CRTC1: variants seen among roughly 807,000 people sequenced by gnomAD.
The protein encoded by CRTC1 is CREB regulated transcription coactivator 1, also known as CREB-regulated transcription coactivator 1.
CRTC1 carries 18 observed loss-of-function variants against 66.1 expected under a neutral mutation model. The ratio of observed to expected loss-of-function variants is 0.27; its 90% confidence interval spans 0.19 to 0.40. The LOEUF is 0.40. Among genes scored for constraint, CRTC1 ranks in the 10% least tolerant of loss-of-function variants. CRTC1 has a pLI of 1.00. For synonymous variants in CRTC1, 416 were observed against 398.8 expected, an observed-to-expected ratio of 1.04 and a Z score of -0.51; for missense variants, 669 against 887.9, an observed-to-expected ratio of 0.75 and a Z score of 3.13.
At chr19:18,772,072 TC>T (rs2054882250) in intron 11 of CRTC1, among the ~76,000 whole-genome samples, 1 of 152,166 alleles carries the variant, frequency 6.6e-6, no homozygotes, top group South Asian at 2.1e-4. Flanking sequence ...AGGGCCCTTG[TC>T]CCCATTCCAC....
intron 1 of CRTC1, among the ~76,000 whole-genome samples, chr19:18,684,983 T>G (rs1407260726): frequency 6.6e-6 from 1 of 152,054 alleles, no homozygotes; most frequent in Non-Finnish European, 1.5e-5. Context: ...TGCAGTGTGG[T>G]GAGACCTCTC....
chr19:18,739,699 C>T (rs921856551), intron 1 of CRTC1, among the ~76,000 whole-genome samples: 3 of 152,168 alleles, frequency 2.0e-5, no homozygotes, highest in African/African-American at 7.2e-5. Flanking sequence ...GCCTGCAGTG[C>T]AGTGACATCT....
At chr19:18,767,904 G>A (rs2054771800) in intron 9 of CRTC1, among the ~76,000 whole-genome samples, 1 of 152,208 alleles carries the variant, frequency 6.6e-6, no homozygotes, top group African/African-American at 2.4e-5. Flanking sequence ...TGTCAGCTTG[G>A]TAGCCCCTGG....
intron 1 of CRTC1, among the ~76,000 whole-genome samples, chr19:18,717,065 ATG>A (rs760670935): frequency 2.0e-5 from 3 of 151,816 alleles, no homozygotes; most frequent in South Asian, 2.1e-4. Context: ...TTATGTGACT[ATG>A]TGCATTGCTG....
intron 10 of CRTC1, among the ~76,000 whole-genome samples, chr19:18,769,124 A>C (rs947290106): frequency 6.6e-6 from 1 of 152,184 alleles, no homozygotes; most frequent in African/African-American, 2.4e-5. Flanking sequence ...CAAGAAGAGT[A>C]CGGCGTTCTC....
Position 18,696,262 on chromosome 19 carries a change from G to A in CRTC1, c.126+12434G>A, listed in dbSNP as rs567983666. Among the ~76,000 whole-genome samples, 96 of 152,300 alleles carry A rather than the reference G, an allele frequency of 6.3e-4. 2 individuals are homozygous for A. In the South Asian group the frequency reaches 0.019, roughly 31 times the overall value. ...CGGCTGGTCAGGGTGAGGCAGGGCG[G>A]TTCAGGCTGCTGGAAGCCTGTGTGC... is the stretch of plus-strand genomic sequence containing the variant. On this transcript the variant is annotated intron_variant, in intron 1 of 13. Transcript: ENST00000321949.
At chr19:18,714,812 G>C (rs1256013057) in intron 1 of CRTC1, among the ~76,000 whole-genome samples, 1 of 152,204 alleles carries the variant, frequency 6.6e-6, no homozygotes, top group Non-Finnish European at 1.5e-5. Context: ...ACATCCTGCT[G>C]TCTGCACCCT....
At chr19:18,743,910 C>T (rs2054169761) in intron 2 of CRTC1, among the ~76,000 whole-genome samples, 3 of 152,314 alleles carry the variant, frequency 2.0e-5, no homozygotes, top group South Asian at 2.1e-4. Context: ...TTTCCTGTTT[C>T]TCCTGTCCCC....
chr19:18,728,815 C>CTGTTTTTTTTTTTTTTTTTTTTTTTT, intron 1 of CRTC1, among the ~76,000 whole-genome samples: 1 of 79,382 alleles, frequency 1.3e-5, no homozygotes, highest in East Asian at 7.3e-4. Context: ...CTCACCTGGC[C>CTGTTTTTTTTTTTTTTTTTTTTTTTT]TTTTTTTTTT....
In CRTC1 at chr19:18,692,265, G is replaced by A. The variant is rs150795956; in HGVS notation, c.126+8437G>A. Among the ~76,000 whole-genome samples, 351 of 152,284 alleles carry A rather than the reference G, an allele frequency of 2.3e-3. 2 individuals carry two copies. Among genetic ancestry groups the A allele is most frequent in the African/African-American group, 7.9e-3 (327 of 41,556 alleles). ...TGGCTGGACTTATGCATCTGCAAGCGGCTGCAGCCCTGTCCTGATGTGAAG... is the reference window on the plus strand; with the variant it reads ...TGGCTGGACTTATGCATCTGCAAGCAGCTGCAGCCCTGTCCTGATGTGAAG... On this transcript the variant is annotated intron_variant, in intron 1 of 13. Transcript: ENST00000321949.
Position 18,764,114 on chromosome 19 carries a change from G to A in CRTC1, c.887-1290G>A, listed in dbSNP as rs577587606. Among the ~76,000 whole-genome samples, 108 of 152,296 alleles carry A rather than the reference G, an allele frequency of 7.1e-4. 1 individual carries two copies. Among genetic ancestry groups the A allele is most frequent in the African/African-American group, 2.6e-3 (107 of 41,564 alleles). ...GTGCAGGCGTGACCGAGCTCGCCCC[G>A]GTGAGCAGCTGCCCTGGGCACGGAC... On this transcript the variant is annotated intron_variant, in intron 8 of 13. Transcript: ENST00000321949.
intron 5 of CRTC1, among the ~76,000 whole-genome samples, chr19:18,750,414 A>G (rs2054337504): frequency 6.6e-6 from 1 of 152,206 alleles, no homozygotes; most frequent in Admixed American, 6.5e-5. Context: ...CAGCTGAGCC[A>G]TGCACACCCC....
intron 1 of CRTC1, among the ~76,000 whole-genome samples, chr19:18,709,149 G>A (rs2145573962): frequency 6.6e-6 from 1 of 152,318 alleles, no homozygotes; most frequent in South Asian, 2.1e-4. Flanking sequence ...AGAGTCGCAG[G>A]TGCACCTGGC....
chr19:18,774,256 C>T (rs1157329563), intron 11 of CRTC1, among the ~76,000 whole-genome samples: 2 of 152,206 alleles, frequency 1.3e-5, no homozygotes, highest in East Asian at 3.9e-4. Context: ...TCTCCACCAC[C>T]CATAAGGTCC....
At chr19:18,755,680 G>A (rs2054469076) in intron 6 of CRTC1, among the ~76,000 whole-genome samples, 1 of 143,476 alleles carries the variant, frequency 7.0e-6, no homozygotes, top group Non-Finnish European at 1.5e-5. Flanking sequence ...TGGGCTCACT[G>A]CAACCTCCGT....
chr19:18,777,280 G>A lies in CRTC1; in HGVS notation c.1803G>A (p.Lys601=). The A allele has an allele frequency of 6.2e-7, 1 of 1,612,362 alleles. No homozygotes were observed. Among genetic ancestry groups the A allele is most frequent in the Non-Finnish European group, 8.5e-7 (1 of 1,179,940 alleles). ...GCCAGTTTCCCCTGGACGAACTCAAGATCGACCCCCTGACCCTCGACGGAC... is the reference window on the plus strand; with the variant it reads ...GCCAGTTTCCCCTGGACGAACTCAAAATCGACCCCCTGACCCTCGACGGAC... ...SDSQFPLDEL[K]IDPLTLDGLH... is the part of the protein sequence containing the mutation. The change falls in exon 14 of 14, where the codon AAG becomes AAA. Residue 601 remains lysine (K), a synonymous_variant. Transcript: ENST00000321949. This position sits in a 1 kb window ranked among gnomAD's most constrained non-coding sequence, Gnocchi z 5.5.
chr19:18,688,818 T>C (rs1265775351), intron 1 of CRTC1, among the ~76,000 whole-genome samples: 2 of 152,118 alleles, frequency 1.3e-5, no homozygotes, highest in East Asian at 3.9e-4. Flanking sequence ...ATATTCACAT[T>C]TGCACAGCCA....
chr19:18,710,435 G>A (rs1418235913), intron 1 of CRTC1, among the ~76,000 whole-genome samples: 1 of 152,058 alleles, frequency 6.6e-6, no homozygotes, highest in Non-Finnish European at 1.5e-5. Flanking sequence ...TGGACATGCA[G>A]GGTTTTCTGG....
At chr19:18,697,372 T>G (rs2053016713) in intron 1 of CRTC1, among the ~76,000 whole-genome samples, 1 of 151,928 alleles carries the variant, frequency 6.6e-6, no homozygotes, top group Non-Finnish European at 1.5e-5. Flanking sequence ...AGTGCCGTGG[T>G]GCGATCTCAG....
Sources: allele counts gnomAD v4.1 joint callset (sites outside exome capture counted in the v4.1 genomes callset), GRCh38; gene constraint gnomAD v4.1.1; non-coding constraint Gnocchi (gnomAD v3.1); transcripts MANE v1.5; gene names NCBI Gene and HGNC (gene_info 2026-07-23, HGNC 2026-07-21).